NRXN1: variants seen among roughly 807,000 people sequenced by gnomAD.
The protein encoded by NRXN1 is neurexin-1.
Under a neutral mutation model 150.9 loss-of-function variants are expected in NRXN1, and 39 were observed. The ratio of observed to expected loss-of-function variants is 0.26; its 90% CI spans 0.20 to 0.34. The LOEUF (loss-of-function observed/expected upper bound fraction) is 0.34. Among genes scored for constraint, NRXN1 ranks in the 10% least tolerant of loss-of-function variants. NRXN1 has a pLI of 1.00. For missense variants in NRXN1, 1,815 were observed against 1,949.9 expected (o/e 0.93, Z 1.30); for synonymous variants, 924 against 757.0 (o/e 1.22, Z -3.62).
At chr2:50,508,122 T>C (rs1408363698) in intron 12 of NRXN1, among the ~76,000 whole-genome samples, 4 of 152,186 alleles carry the variant, frequency 2.6e-5, no homozygotes, top group Non-Finnish European at 5.9e-5. Context: ...AGCCTATTGA[T>C]TTCTCTCTTA....
chr2:50,328,563 A>G (rs180806364), intron 17 of NRXN1, among the ~76,000 whole-genome samples: 120 of 152,060 alleles, frequency 7.9e-4, no homozygotes, highest in Non-Finnish European at 1.4e-3. Flanking sequence ...GGTGAAACCC[A>G]TCTTTACGAA....
chr2:50,865,487 C>G (rs1396908210), intron 5 of NRXN1, among the ~76,000 whole-genome samples: 3 of 151,214 alleles, frequency 2.0e-5, no homozygotes, highest in African/African-American at 7.3e-5. Flanking sequence ...ACACCAAAAG[C>G]TGAGTCTGGT....
chr2:50,598,992 G>A (rs189190441), intron 8 of NRXN1, among the ~76,000 whole-genome samples: 52 of 151,884 alleles, frequency 3.4e-4, no homozygotes, highest in African/African-American at 1.2e-3. Context: ...GGCTGCTCTC[G>A]AACTCCTGAC....
At chr2:50,272,040 C>T (rs58515366) in intron 17 of NRXN1, among the ~76,000 whole-genome samples, 19,105 of 152,066 alleles carry the variant, frequency 0.13, 1,309 homozygotes, top group East Asian at 0.17. Context: ...ATTTACAGAA[C>T]TCAAAGTGCT....
At chr2:50,394,221 G>C (rs1002199577) in intron 17 of NRXN1, among the ~76,000 whole-genome samples, 4 of 151,944 alleles carry the variant, frequency 2.6e-5, no homozygotes, top group African/African-American at 9.7e-5. Context: ...TATATGTGAT[G>C]ATGCTTATGC....
chr2:50,765,392 C>T lies in NRXN1; in HGVS notation c.833-141777G>A, dbSNP rs142553629. Among the ~76,000 whole-genome samples the T allele has an allele frequency of 8.7e-3, 1,327 of 152,092 alleles. 13 individuals carry two copies. The highest frequency in any genetic ancestry group is 0.013 in the Non-Finnish European group (912 of 67,936). On this transcript the variant is annotated intron_variant, in intron 5 of 22. Transcript: ENST00000401669. Reference sequence around the variant, plus strand: ...ATCAGGAAGACAAATGCGAATTGTCCCTACAAAAGAAAAAAGATCACCACC... The same window carrying T: ...ATCAGGAAGACAAATGCGAATTGTCTCTACAAAAGAAAAAAGATCACCACC...
intron 2 of NRXN1, among the ~76,000 whole-genome samples, chr2:50,967,223 G>C (rs1249102215): frequency 6.6e-6 from 1 of 151,746 alleles, no homozygotes. Context: ...GACATAAAAA[G>C]ACATAAAACA....
chr2:50,310,156 T>A (rs2075055797), intron 17 of NRXN1, among the ~76,000 whole-genome samples: 1 of 152,194 alleles, frequency 6.6e-6, no homozygotes, highest in Admixed American at 6.5e-5. Flanking sequence ...TGTTGGGATA[T>A]ACCAAGGCAA....
intron 5 of NRXN1, among the ~76,000 whole-genome samples, chr2:50,778,336 T>C (rs1418319527): frequency 2.0e-5 from 3 of 152,220 alleles, no homozygotes; most frequent in African/African-American, 7.2e-5. Context: ...CTTTAATTCA[T>C]ATGACAGACA....
chr2:50,806,667 G>A (rs1313214273), intron 5 of NRXN1, among the ~76,000 whole-genome samples: 1 of 152,094 alleles, frequency 6.6e-6, no homozygotes, highest in Non-Finnish European at 1.5e-5. Flanking sequence ...ATACCAATGT[G>A]TCTATTCATG....
chr2:50,358,301 C>A (rs546066657), intron 17 of NRXN1, among the ~76,000 whole-genome samples: 3 of 152,216 alleles, frequency 2.0e-5, no homozygotes, highest in Non-Finnish European at 4.4e-5. Flanking sequence ...ATCCCACCCC[C>A]CTGGAGTCCA....
intron 17 of NRXN1, among the ~76,000 whole-genome samples, chr2:50,461,956 A>G (rs2088271650): frequency 6.6e-6 from 1 of 151,988 alleles, no homozygotes; most frequent in Non-Finnish European, 1.5e-5. Flanking sequence ...GAAAGCTGTA[A>G]GTAAATTGGC....
intron 18 of NRXN1, among the ~76,000 whole-genome samples, chr2:50,160,001 C>T (rs2059264522): frequency 6.6e-6 from 1 of 152,012 alleles, no homozygotes; most frequent in Non-Finnish European, 1.5e-5. Flanking sequence ...GTTTTTGTGA[C>T]CATTAAAATA....
rs1347215213 is a variant in NRXN1, at chr2:50,948,328, A to G, written c.773-22373T>C. 2.0e-5 allele frequency among the ~76,000 whole-genome samples: 3 copies of G among 152,166 alleles called. No homozygotes were observed. In the East Asian group the frequency reaches 5.8e-4, roughly 29 times the overall value. ...AGATAGATCCAAAATTTCACAAATGATATAAGATATTGTTCTAAGTATTTA... is the reference window on the plus strand; with the variant it reads ...AGATAGATCCAAAATTTCACAAATGGTATAAGATATTGTTCTAAGTATTTA... On this transcript the variant is annotated intron_variant, in intron 2 of 22. Coordinates refer to ENST00000401669, the MANE Select transcript of NRXN1 (RefSeq NM_001330078.2).
intron 5 of NRXN1, among the ~76,000 whole-genome samples, chr2:50,921,423 A>C (rs1471636441): frequency 1.3e-5 from 2 of 151,840 alleles, no homozygotes; most frequent in Admixed American, 1.3e-4. Context: ...GACACCTAGC[A>C]GACAACAAGA....
intron 13 of NRXN1, among the ~76,000 whole-genome samples, chr2:50,503,268 A>G (rs890791986): frequency 2.0e-4 from 31 of 151,736 alleles, no homozygotes; most frequent in African/African-American, 7.3e-4. Context: ...AGATCACTCC[A>G]CTGCACTCTA....
intron 5 of NRXN1, among the ~76,000 whole-genome samples, chr2:50,841,672 C>A (rs1672899692): frequency 6.6e-6 from 1 of 152,106 alleles, no homozygotes; most frequent in South Asian, 2.1e-4. Context: ...GTTTAGCTGG[C>A]AGTTATAAAT....
chr2:50,516,321 T>C (rs2092629986), intron 12 of NRXN1, among the ~76,000 whole-genome samples: 1 of 152,182 alleles, frequency 6.6e-6, no homozygotes, highest in Non-Finnish European at 1.5e-5. Context: ...TGGCACGGTG[T>C]GACTGCATAA....
intron 5 of NRXN1, among the ~76,000 whole-genome samples, chr2:50,745,400 C>A (rs975883957): frequency 9.5e-5 from 12 of 126,526 alleles, no homozygotes; most frequent in African/African-American, 3.2e-4. Context: ...CCTCTCCCTT[C>A]CCCTCCCCTC....
Sources: gnomAD v4.1 joint callset for allele counts (sites outside exome capture counted in the v4.1 genomes callset) on GRCh38, gnomAD v4.1.1 for gene constraint, MANE v1.5 for transcripts, NCBI Gene and HGNC (gene_info 2026-07-23, HGNC 2026-07-21) for gene names.